Variants in DCDC1 observed in about 807,000 individuals in gnomAD.
DCDC1 encodes doublecortin domain containing 1.
Under a neutral mutation model 178.3 loss-of-function variants are expected in DCDC1, and 200 were observed. That is an observed-to-expected ratio of 1.12 (90% CI 1.00 to 1.26). The LOEUF is 1.26. Ranked by LOEUF, DCDC1 falls within the 50% of genes most tolerant of loss-of-function variation. DCDC1 has a pLI of 0.00. For missense variants in DCDC1, 1,983 were observed against 1,749.2 expected (o/e 1.13, Z -2.38); for synonymous variants, 690 against 604.8 (o/e 1.14, Z -2.07).
At chr11:31,007,060 T>C (rs1951887008) in intron 20 of DCDC1, among the ~76,000 whole-genome samples, 1 of 152,206 alleles carries the variant, frequency 6.6e-6, no homozygotes, top group South Asian at 2.1e-4. Flanking sequence ...AGATTCCTCA[T>C]GGGTAACTCA....
Position 30,894,283 on chromosome 11 carries a change from C to T in DCDC1, c.4867G>A (p.Glu1623Lys), listed in dbSNP as rs771635203. Residue 1623 changes from glutamate (E) to lysine (K), a missense_variant, in exon 35 of 39, where the codon GAA becomes AAA. By Grantham distance (56) the Glu-to-Lys change is moderately conservative. Transcript: ENST00000684477. ...EGGWTEQTQQ[E>K]IKLMELIRHT... is the part of the protein sequence containing the mutation. ...CTTATAAGTTCCATGAGTTTAATTT[C>T]CTGTTGAGTCTGTTCGGTCCAGCCT... is the stretch of plus-strand genomic sequence containing the variant. 2 of 1,613,814 alleles carry T rather than the reference C, an allele frequency of 1.2e-6. No homozygotes were observed. Among genetic ancestry groups the T allele is most frequent in the Non-Finnish European group, 1.7e-6 (2 of 1,179,784 alleles).
At chr11:31,149,807 T>C (rs1482732285) in intron 9 of DCDC1, among the ~76,000 whole-genome samples, 1 of 151,884 alleles carries the variant, frequency 6.6e-6, no homozygotes, top group Non-Finnish European at 1.5e-5. Flanking sequence ...AGGAAGAAAC[T>C]CCAGACACCT....
chr11:30,996,556 G>A (rs1253072529), intron 20 of DCDC1, among the ~76,000 whole-genome samples: 1 of 152,066 alleles, frequency 6.6e-6, no homozygotes, highest in Non-Finnish European at 1.5e-5. Flanking sequence ...CTTATAAAAG[G>A]GCGTGACAAA....
Position 31,102,176 on chromosome 11 carries a change from C to T in DCDC1, c.1983+1G>A, listed in dbSNP as rs1021401140. 1.7e-5 allele frequency: 12 copies of T among 707,352 alleles called. No homozygotes were observed. The East Asian group carries it at 1.8e-4, about 10-fold the overall frequency. The allele number at this position is 707,352 out of a possible 1,614,324, so 43.8% of individuals were successfully genotyped here. The stretch of plus-strand genomic sequence containing the variant: ...TTAAAGTACAATAACTAAAATCCCA[C>T]CTTGTTCTGTAGAAAATGGTTCTCC... On this transcript the variant is annotated splice_donor_variant, in intron 15 of 38. Coordinates refer to ENST00000684477, the MANE Select transcript of DCDC1 (RefSeq NM_001387274.1). LOFTEE classifies it high-confidence loss of function.
At chr11:30,876,429 G>A (rs1412790260) in intron 38 of DCDC1, among the ~76,000 whole-genome samples, 2 of 152,160 alleles carry the variant, frequency 1.3e-5, no homozygotes, top group Non-Finnish European at 1.5e-5. Flanking sequence ...TTTAGTCTAA[G>A]CTAAAAGTGG....
chr11:30,952,331 C>T, intron 21 of DCDC1, 114 bp downstream of exon 21: 2 of 917,376 alleles, frequency 2.2e-6, no homozygotes, highest in Non-Finnish European at 3.0e-6. Context: ...AGTTTGATAT[C>T]TTGCACCTAA....
intron 20 of DCDC1, among the ~76,000 whole-genome samples, chr11:31,001,138 A>G (rs552218491): frequency 6.6e-6 from 1 of 152,260 alleles, no homozygotes. Context: ...CCTCTTGTTC[A>G]TCTTTTATTT....
intron 11 of DCDC1, among the ~76,000 whole-genome samples, chr11:31,117,125 G>A (rs901678682): frequency 6.6e-6 from 1 of 152,084 alleles, no homozygotes; most frequent in African/African-American, 2.4e-5. Flanking sequence ...TGCCACAGCT[G>A]CATGAGGGGA....
intron 11 of DCDC1, among the ~76,000 whole-genome samples, chr11:31,120,497 G>T (rs1443959340): frequency 6.6e-6 from 1 of 152,086 alleles, no homozygotes; most frequent in Non-Finnish European, 1.5e-5. Flanking sequence ...GATTTGTTGC[G>T]ATTTACTTTC....
At chr11:31,152,238 C>T (rs1446437898) in intron 9 of DCDC1, among the ~76,000 whole-genome samples, 1 of 152,146 alleles carries the variant, frequency 6.6e-6, no homozygotes, top group Non-Finnish European at 1.5e-5. Flanking sequence ...TTTTTATTTT[C>T]GTAATCCTTA....
At position 31,287,502 on chromosome 11, in the gene DCDC1, A is replaced by C. The variant is rs1309240097; in HGVS notation, c.960+3145T>G. On this transcript the variant is annotated intron_variant, in intron 7 of 38. Transcript: ENST00000684477. Reference sequence around the variant, plus strand: ...CTTTTCAAACTGAAAAGACATCCTGAGTATCCAGCACATCTTGAAAAAAAA... The same window carrying C: ...CTTTTCAAACTGAAAAGACATCCTGCGTATCCAGCACATCTTGAAAAAAAA... Among the ~76,000 whole-genome samples the C allele has an allele frequency of 7.2e-5, 11 of 152,102 alleles. No homozygotes were observed. In the East Asian group the frequency reaches 2.1e-3, roughly 29 times the overall value.
intron 9 of DCDC1, among the ~76,000 whole-genome samples, chr11:31,188,885 G>A (rs957742595): frequency 6.6e-6 from 1 of 152,128 alleles, no homozygotes; most frequent in African/African-American, 2.4e-5. Context: ...TATGAAGTGA[G>A]GCCTTTGGAA....
chr11:30,952,718 G>A, intron 20 of DCDC1, 150 bp from the exon 21 acceptor site: 5 of 404,900 alleles, frequency 1.2e-5, no homozygotes, highest in Non-Finnish European at 2.2e-5. Context: ...TGTGTAAAGA[G>A]ACACAAATGA....
At chr11:30,952,326 G>A (rs1948474672) in intron 21 of DCDC1, 119 bp downstream of exon 21, 1 of 842,008 alleles carries the variant, frequency 1.2e-6, no homozygotes, top group Non-Finnish European at 1.7e-6. Flanking sequence ...TAGCAAGTTT[G>A]ATATCTTGCA....
rs936566862 is a variant in DCDC1 at position 30,864,171 on chromosome 11, T to C, written c.*1202A>G. 2 of 152,168 alleles carry C rather than the reference T, an allele frequency of 1.3e-5. No individual in the cohort carries two copies. The highest frequency in any genetic ancestry group is 1.3e-4 in the Admixed American group (2 of 15,270). 9.4% of individuals were successfully genotyped at this position (152,168 alleles called of 1,614,324 possible). On this transcript the variant is annotated 3_prime_UTR_variant, in exon 39 of 39. Transcript: ENST00000684477. ...TCTGTATTTTGTGAGATTATGGCTT[T>C]CCAAAAGATTCTTAAAGAGCTATAT...
At chr11:31,077,821 T>C in intron 18 of DCDC1, 44 bp downstream of exon 18, 1 of 759,278 alleles carries the variant, frequency 1.3e-6, no homozygotes, top group Non-Finnish European at 2.4e-6. Context: ...AATCTGGGAA[T>C]AGAAAAACTT....
At chr11:30,954,260 C>A (rs995126183) in intron 20 of DCDC1, among the ~76,000 whole-genome samples, 3 of 151,930 alleles carry the variant, frequency 2.0e-5, no homozygotes, top group African/African-American at 7.3e-5. Flanking sequence ...CGTGATCTGC[C>A]GGCCTCGGCC....
intron 21 of DCDC1, chr11:30,943,937 T>C (rs752332578): frequency 4.4e-4 from 110 of 248,016 alleles, no homozygotes; most frequent in Admixed American, 8.6e-4. Flanking sequence ...CATATTTCTA[T>C]ATTGTTCATA....
Position 31,102,171 on chromosome 11 carries a change from T to A in DCDC1, c.1983+6A>T. 1 of 687,534 alleles carries A rather than the reference T, an allele frequency of 1.5e-6. No individual in the cohort carries two copies. Among genetic ancestry groups the A allele is most frequent in the Non-Finnish European group, 2.7e-6 (1 of 370,962 alleles). 42.6% of individuals were successfully genotyped at this position (687,534 alleles called of 1,614,324 possible). A position where few individuals can be genotyped will look rare whatever the true frequency, so the allele number is the denominator to read the frequency against. On this transcript the variant is annotated splice_donor_region_variant and intron_variant, in intron 15 of 38. Transcript: ENST00000684477. ...ACCTTTTAAAGTACAATAACTAAAA[T>A]CCCACCTTGTTCTGTAGAAAATGGT...
Sources: gnomAD v4.1 joint callset for allele counts (sites outside exome capture counted in the v4.1 genomes callset) on GRCh38, gnomAD v4.1.1 for gene constraint, MANE v1.5 for transcripts, NCBI Gene and HGNC (gene_info 2026-07-23, HGNC 2026-07-21) for gene names.